Variants in LRR1 observed in about 807,000 individuals in gnomAD.
LRR1 encodes leucine rich repeat protein 1.
Under a neutral mutation model 31.6 loss-of-function variants are expected in LRR1, and 29 were observed. The observed-to-expected ratio is 0.92, with a 90% CI of 0.68 to 1.25. LRR1 has a LOEUF of 1.25. LRR1 is among the 50% of genes most tolerant of loss of function. The pLI, the probability that LRR1 is intolerant of heterozygous loss-of-function variation, is 0.00. For synonymous variants in LRR1, 179 were observed against 181.4 expected (o/e 0.99, Z 0.10); for missense variants, 485 against 487.2 (o/e 1.00, Z 0.04).
At chr14:49,603,526 T>A in intron 2 of LRR1, 1 of 22,570 alleles carries the variant, frequency 4.4e-5, no homozygotes, top group Non-Finnish European at 1.1e-4. Flanking sequence ...TCTTCTTCTT[T>A]TTTTTTTTTT....
intron 3 of LRR1, among the ~76,000 whole-genome samples, chr14:49,612,938 GCCTGTAATCTCAGCACTTT>G (rs1159291181): frequency 2.6e-5 from 4 of 152,150 alleles, no homozygotes; most frequent in Non-Finnish European, 4.4e-5. Context: ...AGTGGCTCTT[GCCTGTAATCTCAGCACTTT>G]GGGAGGCCGA....
chr14:49,601,242 C>A, intron 1 of LRR1: 1 of 1,306,150 alleles, frequency 7.7e-7, no homozygotes, highest in Non-Finnish European at 1.0e-6. Flanking sequence ...CAGGTCACAG[C>A]ATCCTGCACT....
chr14:49,611,223 C>A (rs1156828562), intron 3 of LRR1, among the ~76,000 whole-genome samples: 1 of 151,124 alleles, frequency 6.6e-6, no homozygotes, highest in Admixed American at 6.6e-5. Context: ...ACGCCTGTAA[C>A]CCCAGCACTT....
intron 1 of LRR1, chr14:49,600,251 A>G (rs753773782): frequency 6.1e-5 from 91 of 1,485,922 alleles, no homozygotes; most frequent in Non-Finnish European, 7.7e-5. Flanking sequence ...TCTTCCTTAT[A>G]TGCTTCTCGG....
In LRR1 at chr14:49,598,963, G is replaced by T. The variant is rs1199906883; in HGVS notation, c.-58G>T. 6.5e-7 allele frequency: 1 copy of T among 1,537,888 alleles called. No homozygotes were observed. The highest frequency in any genetic ancestry group is 2.0e-5 in the Admixed American group (1 of 49,882). On this transcript the variant is annotated 5_prime_UTR_variant, in exon 1 of 4. Transcript: ENST00000298288. ...GCGAGGACCCCGATGGCGGCGCCGGGTGGCGGGAAGGAGGAAGTTTCAAAG... is the reference window on the plus strand; with the variant it reads ...GCGAGGACCCCGATGGCGGCGCCGGTTGGCGGGAAGGAGGAAGTTTCAAAG...
intron 1 of LRR1, 62 bp downstream of exon 1, chr14:49,599,265 AC>A: frequency 6.7e-7 from 1 of 1,488,640 alleles, no homozygotes; most frequent in South Asian, 1.3e-5. Flanking sequence ...GACGCGGGCC[AC>A]CCTCGGTCCT....
rs763080897 is a variant in LRR1, at chr14:49,602,421, G to A, written c.235G>A (p.Ala79Thr). 6.2e-6 allele frequency: 10 copies of A among 1,613,852 alleles called. No individual in the cohort carries two copies. The highest frequency in any genetic ancestry group is 8.5e-6 in the Non-Finnish European group (10 of 1,179,964). ...FFTKFVDEGK[A>T]TVRLKEPPVD... is the part of the protein sequence containing the mutation. ...CACCAAATTTGTAGATGAGGGGAAA[G>A]CCACTGTTCGGTTAAAGGAGCCTCC... The change falls in exon 2 of 4, where the codon GCC (alanine) becomes ACC (threonine). Residue 79 changes from alanine (A) to threonine (T), a missense_variant. By Grantham distance (58) the Ala-to-Thr change is moderately conservative. Coordinates refer to ENST00000298288, the MANE Select transcript of LRR1 (RefSeq NM_152329.4).
intron 2 of LRR1, 122 bp from the exon 3 acceptor site, chr14:49,607,278 C>T: frequency 1.8e-6 from 2 of 1,122,704 alleles, no homozygotes; most frequent in Non-Finnish European, 2.4e-6. Flanking sequence ...GTTTTACAGT[C>T]AATTTCAGTA....
chr14:49,613,028 C>T (rs1240461154), intron 3 of LRR1, among the ~76,000 whole-genome samples: 6 of 152,018 alleles, frequency 3.9e-5, no homozygotes, highest in Admixed American at 2.0e-4. Flanking sequence ...GGTTAACCCC[C>T]GTCTCTACTA....
At chr14:49,604,683 AC>A (rs972183183) in intron 2 of LRR1, among the ~76,000 whole-genome samples, 9 of 151,988 alleles carry the variant, frequency 5.9e-5, no homozygotes, top group African/African-American at 2.2e-4. Flanking sequence ...ATAGAGCAAG[AC>A]CCTGTCTCAA....
chr14:49,607,275 A>G (rs1462508151), intron 2 of LRR1, 125 bp from the exon 3 acceptor site: 1 of 1,088,168 alleles, frequency 9.2e-7, no homozygotes, highest in African/African-American at 1.6e-5. Context: ...AAAGTTTTAC[A>G]GTCAATTTCA....
At chr14:49,614,112 T>C in intron 3 of LRR1, 144 bp from the exon 4 acceptor site, 1 of 778,352 alleles carries the variant, frequency 1.3e-6, no homozygotes, top group South Asian at 2.1e-5. Context: ...GTTTACAATA[T>C]GTCATATATT....
chr14:49,602,363 T>A lies in LRR1; in HGVS notation c.184-7T>A. 1 of 1,608,814 alleles carries A rather than the reference T, an allele frequency of 6.2e-7. No individual in the cohort carries two copies. Among genetic ancestry groups the A allele is most frequent in the Non-Finnish European group, 8.5e-7 (1 of 1,176,272 alleles). ...TTTCTTCTTTTTTTTCTATTGGTTT[T>A]ATGCAGCTAAGGGAGAACATTGAGC... is the stretch of plus-strand genomic sequence containing the variant. On this transcript the variant is annotated splice_polypyrimidine_tract_variant and splice_region_variant and intron_variant, in intron 1 of 3. Transcript: ENST00000298288.
chr14:49,613,024 C>G (rs1369838520), intron 3 of LRR1, among the ~76,000 whole-genome samples: 3 of 151,576 alleles, frequency 2.0e-5, no homozygotes, highest in East Asian at 3.9e-4. Flanking sequence ...ACATGGTTAA[C>G]CCCCGTCTCT....
In LRR1 at chr14:49,614,672, A is replaced by C; in HGVS notation, c.*176A>C. Reference sequence around the variant, plus strand: ...TTTTATTAAAACCAATTTTAGTTTTACTGTGGTGTTAACTTTTTTTTAATT... The same window carrying C: ...TTTTATTAAAACCAATTTTAGTTTTCCTGTGGTGTTAACTTTTTTTTAATT... On this transcript the variant is annotated 3_prime_UTR_variant, in exon 4 of 4. Transcript: ENST00000298288. 2 of 814,694 alleles carry C rather than the reference A, an allele frequency of 2.5e-6. No homozygotes were observed. The highest frequency in any genetic ancestry group is 3.9e-6 in the Non-Finnish European group (2 of 512,360). The allele number at this position is 814,694 out of a possible 1,614,324, so 50.5% of individuals were successfully genotyped here. A position where few individuals can be genotyped will look rare whatever the true frequency, so the allele number is the denominator to read the frequency against.
chr14:49,599,326 A>G (rs1881944208), intron 1 of LRR1, 123 bp downstream of exon 1: 1 of 1,139,060 alleles, frequency 8.8e-7, no homozygotes, highest in East Asian at 2.6e-5. Context: ...GGGTTCCTGA[A>G]CTCCCAGCCT....
In LRR1 at chr14:49,608,406, A is replaced by ATT. The variant is rs71408651; in HGVS notation, c.1004+325_1004+326dup. Among the ~76,000 whole-genome samples the ATT allele has an allele frequency of 5.2e-4, 11 of 21,094 alleles. 1 individual carries two copies. Among genetic ancestry groups the ATT allele is most frequent in the Non-Finnish European group, 7.4e-4 (9 of 12,158 alleles). 13.8% of individuals were successfully genotyped at this position (21,094 alleles called of 152,430 possible). A position where few individuals can be genotyped will look rare whatever the true frequency, so the allele number is the denominator to read the frequency against. ...ATTCCTTCCCTCCTTACATTGCTTG[A>ATT]TTTTTTTTTTTTTTTTTTTTTTTTT... On this transcript the variant is annotated intron_variant, in intron 3 of 3. Coordinates refer to ENST00000298288, the MANE Select transcript of LRR1 (RefSeq NM_152329.4).
At chr14:49,607,284 C>A in intron 2 of LRR1, 116 bp from the exon 3 acceptor site, 1 of 1,152,700 alleles carries the variant, frequency 8.7e-7, no homozygotes, top group Non-Finnish European at 1.2e-6. Flanking sequence ...CAGTCAATTT[C>A]AGTAAATCAT....
intron 3 of LRR1, among the ~76,000 whole-genome samples, chr14:49,610,772 C>T (rs1439005689): frequency 2.6e-5 from 4 of 151,790 alleles, no homozygotes; most frequent in African/African-American, 7.3e-5. Flanking sequence ...CTATGTTGAC[C>T]AGGCTGGTCT....
Sources: allele counts gnomAD v4.1 joint callset (sites outside exome capture counted in the v4.1 genomes callset), GRCh38; gene constraint gnomAD v4.1.1; transcripts MANE v1.5; gene names NCBI Gene and HGNC (gene_info 2026-07-23, HGNC 2026-07-21).